Variants in WTIP observed in about 807,000 individuals in gnomAD.
WTIP encodes Wilms tumor protein 1-interacting protein.
WTIP carries 23 observed loss-of-function variants against 41.7 expected under a neutral mutation model. The ratio of observed to expected loss-of-function variants is 0.55; its 90% CI spans 0.40 to 0.78. The LOEUF is 0.78. Among genes scored for constraint, WTIP ranks in the 30% least tolerant of loss-of-function variants. WTIP has a pLI of 0.00. For missense variants in WTIP, 619 were observed against 610.5 expected, an observed-to-expected ratio of 1.01 and a Z score of -0.15; for synonymous variants, 314 against 269.9, an observed-to-expected ratio of 1.16 and a Z score of -1.60.
At position 34,482,292 on chromosome 19, in the gene WTIP, A is replaced by C. The variant is rs1356670663; in HGVS notation, c.318A>C (p.Arg106=). Residue 106 remains arginine, a synonymous_variant, in exon 1 of 8, where the codon CGA becomes CGC. Transcript: ENST00000590071. ...GCGGCGGCGGTGGCGGCAGCGCCCG[A>C]TCCAGCGGCATCAGCCTGGGCTACG... ...SDGGGGGGSA[R]SSGISLGYDQ... The C allele has an allele frequency of 7.4e-7, 1 of 1,353,058 alleles. No homozygotes were observed. Among genetic ancestry groups the C allele is most frequent in the Non-Finnish European group, 9.6e-7 (1 of 1,044,514 alleles). 83.8% of individuals were successfully genotyped at this position (1,353,058 alleles called of 1,614,324 possible).
chr19:34,495,496 C>T (rs1440185477), intron 6 of WTIP, among the ~76,000 whole-genome samples: 3 of 152,126 alleles, frequency 2.0e-5, no homozygotes, highest in African/African-American at 4.8e-5. Flanking sequence ...GGGCTGTGAT[C>T]GTGGAGGACG....
intron 1 of WTIP, among the ~76,000 whole-genome samples, chr19:34,484,782 A>G (rs2075789093): frequency 6.6e-6 from 1 of 151,824 alleles, no homozygotes; most frequent in African/African-American, 2.4e-5. Flanking sequence ...AGGAGCTGCT[A>G]GGCCGGGTGC....
intron 1 of WTIP, among the ~76,000 whole-genome samples, chr19:34,485,873 G>A (rs937544499): frequency 3.3e-5 from 5 of 152,272 alleles, no homozygotes; most frequent in Admixed American, 2.0e-4. Flanking sequence ...GATTACAGGC[G>A]GGAGCCACTA....
At position 34,493,766 on chromosome 19, in the gene WTIP, A is replaced by G; in HGVS notation, c.1031+144A>G. 8.5e-7 allele frequency: 1 copy of G among 1,178,906 alleles called. No individual in the cohort carries two copies. Among genetic ancestry groups the G allele is most frequent in the Non-Finnish European group, 1.2e-6 (1 of 829,296 alleles). 73.0% of individuals were successfully genotyped at this position (1,178,906 alleles called of 1,614,324 possible). A position where few individuals can be genotyped will look rare whatever the true frequency, so the allele number is the denominator to read the frequency against. On this transcript the variant is annotated intron_variant, in intron 5 of 7. Transcript: ENST00000590071. The surrounding 1 kb of genome is among the most constrained non-coding windows in gnomAD (Gnocchi z 4.1). ...CCCCTTGTACACCTGGGCTTGGGGC[A>G]GGCATGTGTCTCTGCCTGCATCCCC... is the stretch of plus-strand genomic sequence containing the variant.
chr19:34,490,970 C>T (rs961922352), intron 2 of WTIP, among the ~76,000 whole-genome samples: 2 of 151,642 alleles, frequency 1.3e-5, no homozygotes, highest in Admixed American at 6.6e-5. Flanking sequence ...TATAGGCACA[C>T]GTGCCACCAC....
rs568467932 is a variant in WTIP, at chr19:34,489,911, G to A, written c.668-465G>A. ...ATTGCACCACTGCACTCCAGCCTGT[G>A]GGACAGAGCGAGATCCTGTCTCTCT... is the stretch of plus-strand genomic sequence containing the variant. On this transcript the variant is annotated intron_variant, in intron 1 of 7. Transcript: ENST00000590071. 2.6e-5 allele frequency among the ~76,000 whole-genome samples: 4 copies of A among 152,242 alleles called. No individual in the cohort carries two copies. In the South Asian group the frequency reaches 8.3e-4, roughly 32 times the overall value.
In WTIP at chr19:34,512,076, T is replaced by G. The variant is rs1488964147; in HGVS notation, c.*11807T>G. The G allele has an allele frequency of 6.6e-6, 1 of 152,074 alleles. No homozygotes were observed. The highest frequency in any genetic ancestry group is 1.9e-4 in the East Asian group (1 of 5,176). 9.4% of individuals were successfully genotyped at this position (152,074 alleles called of 1,614,324 possible). A position where few individuals can be genotyped will look rare whatever the true frequency, so the allele number is the denominator to read the frequency against. On this transcript the variant is annotated 3_prime_UTR_variant, in exon 8 of 8. Coordinates refer to ENST00000590071, the MANE Select transcript of WTIP (RefSeq NM_001080436.2). ...TTATGGATTAGGGTCTTCAGAAGCC[T>G]TACTTGTTTTTCTGGCTCTATTTTC...
chr19:34,486,631 G>T (rs1232277576), intron 1 of WTIP, among the ~76,000 whole-genome samples: 1 of 152,144 alleles, frequency 6.6e-6, no homozygotes, highest in Non-Finnish European at 1.5e-5. Flanking sequence ...CTCCCAAAGT[G>T]CTGGGATTAC....
intron 1 of WTIP, among the ~76,000 whole-genome samples, chr19:34,489,495 C>T (rs2075814951): frequency 6.6e-6 from 1 of 152,090 alleles, no homozygotes; most frequent in African/African-American, 2.4e-5. Context: ...GTGGTGACTG[C>T]CCCTGAGTGC....
intron 1 of WTIP, among the ~76,000 whole-genome samples, chr19:34,487,088 C>T (rs2075801546): frequency 6.7e-6 from 1 of 149,932 alleles, no homozygotes; most frequent in Non-Finnish European, 1.5e-5. Flanking sequence ...GCCACCAAGC[C>T]CAGTCCCTGC....
rs767275068 is a variant in WTIP, at chr19:34,493,249, G to C, written c.838-14G>C. 6.8e-6 allele frequency: 11 copies of C among 1,613,552 alleles called. No individual in the cohort carries two copies. The highest frequency in any genetic ancestry group is 1.7e-5 in the Admixed American group (1 of 59,954). On this transcript the variant is annotated splice_polypyrimidine_tract_variant and intron_variant, in intron 3 of 7. Coordinates refer to ENST00000590071, the MANE Select transcript of WTIP (RefSeq NM_001080436.2). The surrounding 1 kb of genome is among the most constrained non-coding windows in gnomAD (Gnocchi z 4.1). ...TTTGTCACACAATGTCCTGGATCCT[G>C]TGTCCCCTCCCAGTACTCCGGGTTC...
At chr19:34,497,293 A>C (rs1296458301) in intron 7 of WTIP, among the ~76,000 whole-genome samples, 1 of 152,116 alleles carries the variant, frequency 6.6e-6, no homozygotes, top group African/African-American at 2.4e-5. Context: ...GTTGTGGGGT[A>C]CACTTCTCAG....
rs2075892213 is a variant in WTIP at position 34,502,315 on chromosome 19, G to T, written c.*2046G>T. The T allele has an allele frequency of 1.3e-5, 2 of 150,164 alleles. No homozygotes were observed. The allele number at this position is 150,164 out of a possible 1,614,324, so 9.3% of individuals were successfully genotyped here. On this transcript the variant is annotated 3_prime_UTR_variant, in exon 8 of 8. Coordinates refer to ENST00000590071, the MANE Select transcript of WTIP (RefSeq NM_001080436.2). ...CTGTCGCCCAGGCTGGAGTGCGTTG[G>T]CACAATCTGGGCCTACTGCAACCTC...
In WTIP at chr19:34,502,927, A is replaced by G. The variant is rs918590132; in HGVS notation, c.*2658A>G. ...CTGTCCTCTCTGCTTCCTCCCTCAA[A>G]CCTGCTTTGAGCCGGGTTTCTCCTT... On this transcript the variant is annotated 3_prime_UTR_variant, in exon 8 of 8. Transcript: ENST00000590071. The G allele has an allele frequency of 3.3e-5, 5 of 151,720 alleles. No individual in the cohort carries two copies. The highest frequency in any genetic ancestry group is 1.2e-4 in the African/African-American group (5 of 41,160). The allele number at this position is 151,720 out of a possible 1,614,324, so 9.4% of individuals were successfully genotyped here. A position where few individuals can be genotyped will look rare whatever the true frequency, so the allele number is the denominator to read the frequency against.
intron 7 of WTIP, among the ~76,000 whole-genome samples, chr19:34,498,303 C>CT (rs2075866278): frequency 6.6e-6 from 1 of 152,104 alleles, no homozygotes; most frequent in African/African-American, 2.4e-5. Context: ...TCAGACCACC[C>CT]GGGGGTGGCA....
chr19:34,485,499 T>C (rs1284623815), intron 1 of WTIP, among the ~76,000 whole-genome samples: 1 of 152,204 alleles, frequency 6.6e-6, no homozygotes. Context: ...ACCAGAATAA[T>C]ACAGCATTTT....
At chr19:34,490,282 G>T in intron 1 of WTIP, 94 bp from the exon 2 acceptor site, 5 of 1,178,534 alleles carry the variant, frequency 4.2e-6, no homozygotes, top group Non-Finnish European at 6.2e-6. Context: ...CATCCCCCAG[G>T]TCAAGCGGGT....
At position 34,501,743 on chromosome 19, in the gene WTIP, G is replaced by A. The variant is rs1260726864; in HGVS notation, c.*1474G>A. The A allele has an allele frequency of 2.0e-5, 3 of 152,434 alleles. No homozygotes were observed. The highest frequency in any genetic ancestry group is 4.4e-5 in the Non-Finnish European group (3 of 68,216). 9.4% of individuals were successfully genotyped at this position (152,434 alleles called of 1,614,324 possible). ...CCGAGGCATGGCGCGGGCGCCACCT[G>A]GTGGGCTGAGCCGGCAAGTACAGGG... On this transcript the variant is annotated 3_prime_UTR_variant, in exon 8 of 8. Coordinates refer to ENST00000590071, the MANE Select transcript of WTIP (RefSeq NM_001080436.2).
chr19:34,508,095 A>T lies in WTIP; in HGVS notation c.*7826A>T, dbSNP rs1299983234. On this transcript the variant is annotated 3_prime_UTR_variant, in exon 8 of 8. Coordinates refer to ENST00000590071, the MANE Select transcript of WTIP (RefSeq NM_001080436.2). ...GTGGGACTTTTTTTTTTGTTTTGAG[A>T]TGGAGTCTTGCTCTGTCGCCCAGGC... 6.6e-6 allele frequency: 1 copy of T among 150,458 alleles called. No homozygotes were observed. The highest frequency in any genetic ancestry group is 1.5e-5 in the Non-Finnish European group (1 of 67,726). 9.3% of individuals were successfully genotyped at this position (150,458 alleles called of 1,614,324 possible).
Sources: allele counts gnomAD v4.1 joint callset (sites outside exome capture counted in the v4.1 genomes callset), GRCh38; gene constraint gnomAD v4.1.1; non-coding constraint Gnocchi (gnomAD v3.1); transcripts MANE v1.5; gene names NCBI Gene and HGNC (gene_info 2026-07-23, HGNC 2026-07-21).